The following DGKI variants were observed in gnomAD, a reference collection of about 807,000 sequenced individuals.
The protein encoded by DGKI is diacylglycerol kinase iota.
DGKI carries 55 observed loss-of-function variants against 147.5 expected under a neutral mutation model. The observed-to-expected ratio is 0.37, with a 90% CI of 0.30 to 0.47. The LOEUF is 0.47. DGKI is among the 20% of genes least tolerant of loss of function. The probability of loss-of-function intolerance (pLI) is 1.00; values close to 1 mark genes in which losing one functional copy is unlikely to be tolerated. For synonymous variants in DGKI, 469 were observed against 477.1 expected (o/e 0.98, Z 0.22); for missense variants, 1,007 against 1,323.8 (o/e 0.76, Z 3.71).
rs151216989 is a variant in DGKI, at chr7:137,475,243, T to G, written c.2374-5624A>C. Reference sequence around the variant, plus strand: ...AACAAAGAAATAGGACAAATTTGTATGAGTGAACACAAAACAGAGTGGCTT... The same window carrying G: ...AACAAAGAAATAGGACAAATTTGTAGGAGTGAACACAAAACAGAGTGGCTT... On this transcript the variant is annotated intron_variant, in intron 23 of 32. Coordinates refer to ENST00000614521, the MANE Select transcript of DGKI (RefSeq NM_001321708.2). 2.7e-3 allele frequency among the ~76,000 whole-genome samples: 411 copies of G among 152,304 alleles called. 1 individual carries two copies. Among genetic ancestry groups the G allele is most frequent in the Non-Finnish European group, 4.4e-3 (301 of 68,024 alleles).
chr7:137,737,226 AT>A (rs1421817706), intron 1 of DGKI, among the ~76,000 whole-genome samples: 1,879 of 142,660 alleles, frequency 0.013, 36 homozygotes, highest in African/African-American at 0.049. Flanking sequence ...AAAAAAAAAA[AT>A]ACATACAAAT....
chr7:137,731,828 G>T lies in DGKI; in HGVS notation c.402-41826C>A, dbSNP rs184409472. 3.2e-3 allele frequency among the ~76,000 whole-genome samples: 492 copies of T among 152,098 alleles called. 3 individuals carry two copies. The highest frequency in any genetic ancestry group is 0.011 in the African/African-American group (474 of 41,520). Reference sequence around the variant, plus strand: ...ACCTGCTGAAATTAATCCCAGAATTGCCAAGCCCCCACATAGAAATCCCAC... The same window carrying T: ...ACCTGCTGAAATTAATCCCAGAATTTCCAAGCCCCCACATAGAAATCCCAC... On this transcript the variant is annotated intron_variant, in intron 1 of 32. Coordinates refer to ENST00000614521, the MANE Select transcript of DGKI (RefSeq NM_001321708.2).
rs1798745666 is a variant in DGKI at position 137,846,650 on chromosome 7, G to A, written c.213C>T (p.Ser71=). 9.4e-7 allele frequency: 1 copy of A among 1,068,950 alleles called. No individual in the cohort carries two copies. The highest frequency in any genetic ancestry group is 3.5e-5 in the South Asian group (1 of 28,724). The allele number at this position is 1,068,950 out of a possible 1,614,324, so 66.2% of individuals were successfully genotyped here. ...AGCAGCTCCCGGCGCCGCTTCCGCT[G>A]CTGCTGCTGCCGCCCGTCGCCCCTT... The part of the protein sequence containing the change: ...EEKGATGGSS[S]SGSGAGSCCL... The change falls in exon 1 of 33, where the codon AGC becomes AGT. Residue 71 remains serine, a synonymous_variant. Transcript: ENST00000614521. This position sits in a 1 kb window ranked among gnomAD's most constrained non-coding sequence, Gnocchi z 4.0.
intron 1 of DGKI, among the ~76,000 whole-genome samples, chr7:137,697,582 C>T (rs1408006873): frequency 3.3e-5 from 5 of 152,262 alleles, no homozygotes; most frequent in Admixed American, 6.5e-5. Flanking sequence ...ACTTCTCTTT[C>T]GGTCTATAAA....
chr7:137,645,257 T>G (rs951238685), intron 6 of DGKI, among the ~76,000 whole-genome samples: 1 of 152,244 alleles, frequency 6.6e-6, no homozygotes, highest in Non-Finnish European at 1.5e-5. Flanking sequence ...CCAGGTATCT[T>G]AAAAATGTGC....
chr7:137,682,427 A>G (rs1371701618), intron 2 of DGKI, among the ~76,000 whole-genome samples: 1 of 152,160 alleles, frequency 6.6e-6, no homozygotes, highest in Non-Finnish European at 1.5e-5. Context: ...CATAAAAATC[A>G]CTGTACCTCC....
intron 1 of DGKI, among the ~76,000 whole-genome samples, chr7:137,789,305 TTA>T (rs1796773018): frequency 6.6e-6 from 1 of 151,800 alleles, no homozygotes; most frequent in African/African-American, 2.4e-5. Flanking sequence ...AGAGGTTTTT[TTA>T]AAAAAAATAA....
chr7:137,711,995 G>A (rs1794230714), intron 1 of DGKI, among the ~76,000 whole-genome samples: 1 of 151,876 alleles, frequency 6.6e-6, no homozygotes, highest in Non-Finnish European at 1.5e-5. Flanking sequence ...GCCTGGCTGG[G>A]GATACCTGCT....
At chr7:137,615,571 A>G (rs1256547124) in intron 8 of DGKI, among the ~76,000 whole-genome samples, 2 of 137,926 alleles carry the variant, frequency 1.5e-5, no homozygotes, top group Non-Finnish European at 3.1e-5. Context: ...GTGTGTGTGT[A>G]TCCTCAAATT....
At chr7:137,609,155 C>A (rs1370760887) in intron 9 of DGKI, 91 bp from the exon 10 acceptor site, 2 of 942,022 alleles carry the variant, frequency 2.1e-6, no homozygotes, top group Non-Finnish European at 3.3e-6. Context: ...CCCAATAATA[C>A]ATTTTGTTTC....
At chr7:137,692,975 A>G (rs1226756954) in intron 1 of DGKI, among the ~76,000 whole-genome samples, 1 of 152,232 alleles carries the variant, frequency 6.6e-6, no homozygotes, top group African/African-American at 2.4e-5. Context: ...GGTGTACGAA[A>G]TAACTTCTGA....
chr7:137,470,329 C>T (rs1470614906), intron 23 of DGKI, among the ~76,000 whole-genome samples: 1 of 152,124 alleles, frequency 6.6e-6, no homozygotes, highest in African/African-American at 2.4e-5. Flanking sequence ...ATCAAGTCTG[C>T]CTGACATAAC....
chr7:137,670,316 T>C (rs368148103), intron 3 of DGKI, among the ~76,000 whole-genome samples: 1 of 152,178 alleles, frequency 6.6e-6, no homozygotes, highest in Admixed American at 6.5e-5. Context: ...TTACATGAAG[T>C]GAGCAGTATC....
At chr7:137,790,683 C>A (rs866660805) in intron 1 of DGKI, among the ~76,000 whole-genome samples, 1 of 152,300 alleles carries the variant, frequency 6.6e-6, no homozygotes, top group South Asian at 2.1e-4. Flanking sequence ...AAGAGCAGGA[C>A]TCAGAAGATG....
At chr7:137,698,097 T>G (rs1391135054) in intron 1 of DGKI, among the ~76,000 whole-genome samples, 2 of 149,722 alleles carry the variant, frequency 1.3e-5, no homozygotes, top group Admixed American at 1.3e-4. Context: ...TATAGAGAGA[T>G]ATATATAACT....
chr7:137,655,071 A>G (rs1048999358), intron 4 of DGKI, among the ~76,000 whole-genome samples: 5 of 152,338 alleles, frequency 3.3e-5, no homozygotes, highest in African/African-American at 1.2e-4. Context: ...AGAAACTGAG[A>G]TAAGAAAGAG....
chr7:137,444,190 A>G (rs1563022543), intron 27 of DGKI, 88 bp from the exon 28 acceptor site: 3 of 802,770 alleles, frequency 3.7e-6, no homozygotes, highest in Non-Finnish European at 5.9e-6. Flanking sequence ...TTACCCTCAA[A>G]TTGAATTAAA....
At chr7:137,466,806 T>A in intron 25 of DGKI, 96 bp downstream of exon 25, 2 of 1,269,088 alleles carry the variant, frequency 1.6e-6, no homozygotes, top group Non-Finnish European at 2.3e-6. Flanking sequence ...TGTGTCTCAG[T>A]GGTTTTCGTT....
intron 1 of DGKI, among the ~76,000 whole-genome samples, chr7:137,832,738 T>C (rs1208000172): frequency 6.6e-6 from 1 of 152,204 alleles, no homozygotes. Context: ...GCTTGAATAA[T>C]GGGATTTTCT....
Sources: gnomAD v4.1 joint callset for allele counts (sites outside exome capture counted in the v4.1 genomes callset) on GRCh38, gnomAD v4.1.1 for gene constraint, Gnocchi (gnomAD v3.1) non-coding constraint, MANE v1.5 for transcripts, NCBI Gene and HGNC (gene_info 2026-07-23, HGNC 2026-07-21) for gene names.